CIMIP6: variants seen among roughly 807,000 people sequenced by gnomAD.
CIMIP6 encodes the protein uncharacterized protein C2orf73.
chr2:54,333,881 A>G, the CIMIP6 span, among the ~76,000 whole-genome samples: 3 of 152,000 alleles, frequency 2.0e-5, no homozygotes, highest in South Asian at 2.1e-4. Context: ...ACAGAGTAAG[A>G]CTCCGTCTCA....
chr2:54,336,379 T>A, the CIMIP6 span, among the ~76,000 whole-genome samples: 3 of 152,214 alleles, frequency 2.0e-5, no homozygotes. Context: ...TCTTTCAGAA[T>A]AAAGCATCTG....
the CIMIP6 span, among the ~76,000 whole-genome samples, chr2:54,367,988 A>G: frequency 1.3e-5 from 2 of 152,280 alleles, no homozygotes; most frequent in East Asian, 3.9e-4. Flanking sequence ...TCAACCTTAC[A>G]CTAGGAGACA....
chr2:54,369,351 C>A, the CIMIP6 span, among the ~76,000 whole-genome samples: 4 of 152,034 alleles, frequency 2.6e-5, no homozygotes, highest in Admixed American at 2.6e-4. Context: ...CAGCTTAGAC[C>A]AAACGCTGAA....
At chr2:54,334,737 T>C in the CIMIP6 span, 6 of 1,006,690 alleles carry the variant, frequency 6.0e-6, no homozygotes, top group Non-Finnish European at 4.4e-6. Flanking sequence ...TTGTAGTATA[T>C]TTAAATCTTA....
the CIMIP6 span, among the ~76,000 whole-genome samples, chr2:54,346,815 C>G: frequency 9.8e-5 from 15 of 152,334 alleles, no homozygotes; most frequent in Non-Finnish European, 1.8e-4. Context: ...GTCAAAGGAT[C>G]TTTTTAAAAA....
At chr2:54,337,370 A>T in the CIMIP6 span, among the ~76,000 whole-genome samples, 1 of 152,200 alleles carries the variant, frequency 6.6e-6, no homozygotes, top group African/African-American at 2.4e-5. Flanking sequence ...CATTTTGTAC[A>T]CTTGCTTATG....
At chr2:54,363,486 T>C in the CIMIP6 span, among the ~76,000 whole-genome samples, 2 of 152,180 alleles carry the variant, frequency 1.3e-5, no homozygotes, top group African/African-American at 4.8e-5. Context: ...AGTTGATAAA[T>C]GGCCCAAGGC....
At chr2:54,355,668 T>G in the CIMIP6 span, among the ~76,000 whole-genome samples, 1 of 152,164 alleles carries the variant, frequency 6.6e-6, no homozygotes, top group African/African-American at 2.4e-5. Flanking sequence ...CTGGGACAGC[T>G]TCTCAGTCTG....
chr2:54,382,618 C>T, the CIMIP6 span, among the ~76,000 whole-genome samples: 1 of 152,144 alleles, frequency 6.6e-6, no homozygotes, highest in Admixed American at 6.6e-5. Flanking sequence ...TCAGTCTTAA[C>T]CTCCTCCTTT....
the CIMIP6 span, among the ~76,000 whole-genome samples, chr2:54,339,611 A>G: frequency 3.6e-4 from 27 of 75,038 alleles, 10 homozygotes; most frequent in African/African-American, 1.2e-3. Flanking sequence ...CAGTGTAACC[A>G]ATGTGACCTT....
At chr2:54,359,853 GTT>G in the CIMIP6 span, among the ~76,000 whole-genome samples, 1 of 152,138 alleles carries the variant, frequency 6.6e-6, no homozygotes, top group Non-Finnish European at 1.5e-5. Context: ...ATGAACTGTA[GTT>G]TTTGTTGTAT....
the CIMIP6 span, among the ~76,000 whole-genome samples, chr2:54,364,019 G>A: frequency 6.6e-6 from 1 of 152,150 alleles, no homozygotes; most frequent in Admixed American, 6.5e-5. Context: ...CATCTTTTCT[G>A]CATTAAGATA....
chr2:54,360,596 A>C, the CIMIP6 span: 11 of 1,444,284 alleles, frequency 7.6e-6, no homozygotes, highest in Non-Finnish European at 8.2e-6. Flanking sequence ...TAATCCCTGG[A>C]ATATAGGGAA....
the CIMIP6 span, among the ~76,000 whole-genome samples, chr2:54,342,379 A>G: frequency 6.6e-6 from 1 of 152,204 alleles, no homozygotes; most frequent in African/African-American, 2.4e-5. Flanking sequence ...TCACTCAGCT[A>G]TGAACAATTT....
At chr2:54,375,113 A>G in the CIMIP6 span, among the ~76,000 whole-genome samples, 1 of 152,216 alleles carries the variant, frequency 6.6e-6, no homozygotes, top group Non-Finnish European at 1.5e-5. Context: ...CCCCAAACCC[A>G]GAAGCTGTGA....
At chr2:54,382,018 G>A in the CIMIP6 span, 1 of 1,508,906 alleles carries the variant, frequency 6.6e-7, no homozygotes, top group Non-Finnish European at 8.8e-7. Flanking sequence ...TTATAATGAG[G>A]AAGCTAAGGC....
chr2:54,334,846 CAT>C, the CIMIP6 span: 1 of 1,548,050 alleles, frequency 6.5e-7, no homozygotes, highest in Non-Finnish European at 8.7e-7. Flanking sequence ...GCTGCTATAA[CAT>C]ATGTAAGTGA....
At chr2:54,369,048 T>C in the CIMIP6 span, among the ~76,000 whole-genome samples, 2 of 152,186 alleles carry the variant, frequency 1.3e-5, no homozygotes, top group African/African-American at 2.4e-5. Context: ...ACGCTTGAAT[T>C]GGTACTGCAT....
At chr2:54,364,932 G>A in the CIMIP6 span, among the ~76,000 whole-genome samples, 1 of 152,154 alleles carries the variant, frequency 6.6e-6, no homozygotes, top group Non-Finnish European at 1.5e-5. Context: ...CAGAAATGGA[G>A]AGAACACAAA....
Sources: gnomAD v4.1 joint callset for allele counts (sites outside exome capture counted in the v4.1 genomes callset) on GRCh38, gnomAD v4.1.1 for gene constraint, MANE v1.5 for transcripts, NCBI Gene and HGNC (gene_info 2026-07-23, HGNC 2026-07-21) for gene names.